The following PAK1 variants were observed in gnomAD, a reference collection of about 807,000 sequenced individuals.
PAK1 encodes the protein serine/threonine-protein kinase PAK 1.
Under a neutral mutation model 67.4 loss-of-function variants are expected in PAK1, and 29 were observed. The observed-to-expected ratio is 0.43, with a 90% confidence interval of 0.32 to 0.59. The LOEUF is 0.59. PAK1 is among the 20% of genes least tolerant of loss of function. The probability of loss-of-function intolerance (pLI) is 0.07; values close to 1 mark genes in which losing one functional copy is unlikely to be tolerated. For missense variants in PAK1, 337 were observed against 670.7 expected, an observed-to-expected ratio of 0.50 and a Z score of 5.50; for synonymous variants, 223 against 237.4, an observed-to-expected ratio of 0.94 and a Z score of 0.56.
chr11:77,416,353 CA>C (rs2138124508), intron 1 of PAK1, among the ~76,000 whole-genome samples: 1 of 152,268 alleles, frequency 6.6e-6, no homozygotes, highest in East Asian at 1.9e-4. Flanking sequence ...TAGGCCTACA[CA>C]AGGTCAGGAC....
chr11:77,362,078 C>T (rs1335919675), intron 5 of PAK1, among the ~76,000 whole-genome samples: 1 of 152,078 alleles, frequency 6.6e-6, no homozygotes, highest in Non-Finnish European at 1.5e-5. Context: ...AATTGTTCAA[C>T]AATATTTTAA....
At chr11:77,342,578 T>TA (rs1379463375) in intron 10 of PAK1, among the ~76,000 whole-genome samples, 7 of 152,184 alleles carry the variant, frequency 4.6e-5, no homozygotes, top group African/African-American at 1.7e-4. Context: ...GATGATAAGG[T>TA]ACTAACTTTC....
the PAK1 span, among the ~76,000 whole-genome samples, chr11:77,501,670 A>G: frequency 6.6e-6 from 1 of 152,166 alleles, no homozygotes; most frequent in African/African-American, 2.4e-5. Flanking sequence ...GGTCTCTGAT[A>G]GGAAGATCAG....
the PAK1 span, among the ~76,000 whole-genome samples, chr11:77,524,018 A>T: frequency 2.0e-5 from 3 of 152,346 alleles, no homozygotes; most frequent in African/African-American, 7.2e-5. Flanking sequence ...AGAGACACAG[A>T]GAGATGTGCA....
intron 1 of PAK1, among the ~76,000 whole-genome samples, chr11:77,408,578 T>C (rs1954011045): frequency 7.1e-6 from 1 of 140,840 alleles, no homozygotes; most frequent in Non-Finnish European, 1.5e-5. Flanking sequence ...CACTCCACAT[T>C]CTGACAGTGA....
At chr11:77,528,593 C>CA in the PAK1 span, among the ~76,000 whole-genome samples, 1 of 152,184 alleles carries the variant, frequency 6.6e-6, no homozygotes, top group Non-Finnish European at 1.5e-5. Context: ...AATCCTCCCA[C>CA]CTAGGCCTCC....
intron 1 of PAK1, among the ~76,000 whole-genome samples, chr11:77,442,846 GC>G (rs1164974806): frequency 2.6e-5 from 4 of 152,100 alleles, no homozygotes; most frequent in Non-Finnish European, 5.9e-5. Context: ...AAGCCTCAAG[GC>G]TTGGGGCTTC....
the PAK1 span, among the ~76,000 whole-genome samples, chr11:77,508,968 C>CTT: frequency 7.3e-6 from 1 of 136,608 alleles, no homozygotes; most frequent in African/African-American, 2.6e-5. Flanking sequence ...CCCAGGGATT[C>CTT]TTTAAAATGA....
At chr11:77,517,670 G>C in the PAK1 span, among the ~76,000 whole-genome samples, 1 of 152,102 alleles carries the variant, frequency 6.6e-6, no homozygotes, top group Non-Finnish European at 1.5e-5. Context: ...TATATTTATT[G>C]TGTGCTTTAT....
chr11:77,328,348 C>T (rs996397689), intron 14 of PAK1, among the ~76,000 whole-genome samples: 2 of 152,194 alleles, frequency 1.3e-5, no homozygotes, highest in Non-Finnish European at 2.9e-5. Context: ...TTCAGCACCA[C>T]ACCACACCTA....
At chr11:77,334,248 T>G (rs1179088452) in intron 13 of PAK1, among the ~76,000 whole-genome samples, 1 of 152,046 alleles carries the variant, frequency 6.6e-6, no homozygotes, top group African/African-American at 2.4e-5. Flanking sequence ...TTCCAACATA[T>G]CCCAGCAATT....
intron 1 of PAK1, among the ~76,000 whole-genome samples, chr11:77,396,710 A>G (rs1248292413): frequency 6.6e-6 from 1 of 152,220 alleles, no homozygotes; most frequent in Non-Finnish European, 1.5e-5. Context: ...CTCAATGCCA[A>G]ACATTTCCAG....
the PAK1 span, among the ~76,000 whole-genome samples, chr11:77,510,633 G>A: frequency 2.0e-5 from 3 of 152,108 alleles, no homozygotes; most frequent in South Asian, 2.1e-4. Flanking sequence ...TTGTCTCTAC[G>A]GTTGACCAAA....
chr11:77,507,676 C>T, the PAK1 span, among the ~76,000 whole-genome samples: 1 of 152,000 alleles, frequency 6.6e-6, no homozygotes, highest in Non-Finnish European at 1.5e-5. Flanking sequence ...TGCACACCAC[C>T]AAACTATTTT....
chr11:77,355,529 C>G (rs1945900506), intron 7 of PAK1, 139 bp downstream of exon 7: 9 of 675,876 alleles, frequency 1.3e-5, no homozygotes, highest in Non-Finnish European at 1.8e-5. Context: ...GGTTCAGGGG[C>G]AGGGTGAGGA....
At chr11:77,464,544 A>C (rs563653966) in intron 1 of PAK1, among the ~76,000 whole-genome samples, 3 of 152,370 alleles carry the variant, frequency 2.0e-5, no homozygotes, top group Admixed American at 2.0e-4. Flanking sequence ...TGCTTGGCAC[A>C]CAGGAAGAAA....
At chr11:77,327,449 T>C (rs1404424904) in intron 14 of PAK1, among the ~76,000 whole-genome samples, 2 of 152,194 alleles carry the variant, frequency 1.3e-5, no homozygotes, top group African/African-American at 4.8e-5. Context: ...GCAGAAACTC[T>C]ACAAGCCAGA....
intron 1 of PAK1, among the ~76,000 whole-genome samples, chr11:77,408,444 C>A (rs914633573): frequency 6.6e-6 from 1 of 151,432 alleles, no homozygotes; most frequent in Non-Finnish European, 1.5e-5. Flanking sequence ...AAAAGACAGG[C>A]AATAATAGAT....
At chr11:77,364,401 CTG>C (rs2136710476) in intron 5 of PAK1, among the ~76,000 whole-genome samples, 1 of 152,258 alleles carries the variant, frequency 6.6e-6, no homozygotes, top group Non-Finnish European at 1.5e-5. Context: ...GAAGCAATCT[CTG>C]GAAAGCCAGG....
Sources: gnomAD v4.1 joint callset for allele counts (sites outside exome capture counted in the v4.1 genomes callset) on GRCh38, gnomAD v4.1.1 for gene constraint, MANE v1.5 for transcripts, NCBI Gene and HGNC (gene_info 2026-07-23, HGNC 2026-07-21) for gene names.